AXDND1: variants seen among roughly 807,000 people sequenced by gnomAD.
The protein encoded by AXDND1 is axonemal dynein light chain domain containing 1.
AXDND1 carries 110 observed loss-of-function variants against 137.5 expected under a neutral mutation model. The observed-to-expected ratio is 0.80, with a 90% CI of 0.69 to 0.94. The LOEUF is 0.94. Ranked by LOEUF, AXDND1 falls within the 40% of genes least tolerant of loss-of-function variation. The pLI is 0.00. For synonymous variants in AXDND1, 414 were observed against 399.7 expected (o/e 1.04, Z -0.43); for missense variants, 1,191 against 1,169.8 (o/e 1.02, Z -0.26).
chr1:179,397,747 C>T (rs1475483952), intron 11 of AXDND1, among the ~76,000 whole-genome samples: 1 of 152,178 alleles, frequency 6.6e-6, no homozygotes, highest in Non-Finnish European at 1.5e-5. Flanking sequence ...TCTTCAAGTT[C>T]TGAGATTCTT....
intron 16 of AXDND1, among the ~76,000 whole-genome samples, chr1:179,457,926 C>T (rs1661651235): frequency 6.6e-6 from 1 of 151,886 alleles, no homozygotes; most frequent in African/African-American, 2.4e-5. Flanking sequence ...AACTGGCTGA[C>T]ATTCTGAAGT....
rs1647675841 is a variant in AXDND1 at position 179,378,569 on chromosome 1, C to T, written c.375-68C>T. The T allele has an allele frequency of 6.4e-6, 8 of 1,253,118 alleles. No individual in the cohort carries two copies. The South Asian group carries it at 1.1e-4, about 18-fold the overall frequency. 77.6% of individuals were successfully genotyped at this position (1,253,118 alleles called of 1,614,324 possible). On this transcript the variant is annotated intron_variant, in intron 4 of 25. Coordinates refer to ENST00000367618, the MANE Select transcript of AXDND1 (RefSeq NM_144696.6). Reference sequence around the variant, plus strand: ...ACCCATTAGAAGGATATGTGTGGATCTCACCTGCTGTTATGTGGTATCCAG... The same window carrying T: ...ACCCATTAGAAGGATATGTGTGGATTTCACCTGCTGTTATGTGGTATCCAG...
intron 16 of AXDND1, chr1:179,447,787 A>C: frequency 3.1e-6 from 4 of 1,310,100 alleles, no homozygotes; most frequent in Non-Finnish European, 4.4e-6. Context: ...TTCATTCCCC[A>C]CTGGGCTGCT....
Position 179,468,591 on chromosome 1 carries a change from G to A in AXDND1, c.1947G>A (p.Leu649=), listed in dbSNP as rs747135097. The stretch of plus-strand genomic sequence containing the variant: ...AAATGAAATCACACTTGGATATATT[G>A]TTAAACCTTACTGGTATTGTTCCAC... The part of the protein sequence containing the change: ...INEMKSHLDI[L]LNLTGIVPQH... The change falls in exon 17 of 26, where the codon TTG becomes TTA. Residue 649 remains leucine (L), a synonymous_variant. Transcript: ENST00000367618. 12 of 1,612,548 alleles carry A rather than the reference G, an allele frequency of 7.4e-6. No individual in the cohort carries two copies. The highest frequency in any genetic ancestry group is 1.0e-5 in the Non-Finnish European group (12 of 1,179,668).
At chr1:179,471,602 T>C (rs551064155) in intron 17 of AXDND1, among the ~76,000 whole-genome samples, 2 of 152,324 alleles carry the variant, frequency 1.3e-5, no homozygotes, top group South Asian at 4.1e-4. Context: ...CTATTTCTCC[T>C]GGTCAACTTA....
intron 2 of AXDND1, 98 bp downstream of exon 2, chr1:179,366,704 T>C: frequency 1.0e-6 from 1 of 967,598 alleles, no homozygotes; most frequent in Non-Finnish European, 1.6e-6. Flanking sequence ...TCAGAATACC[T>C]TGATTGGCTA....
chr1:179,408,150 C>T (rs1244550703), intron 11 of AXDND1, among the ~76,000 whole-genome samples: 1 of 152,070 alleles, frequency 6.6e-6, no homozygotes, highest in African/African-American at 2.4e-5. Flanking sequence ...TTGAGTTTCT[C>T]ATCCAGATCA....
intron 25 of AXDND1, among the ~76,000 whole-genome samples, chr1:179,538,954 C>T (rs1671825003): frequency 6.6e-6 from 1 of 151,854 alleles, no homozygotes; most frequent in Non-Finnish European, 1.5e-5. Context: ...TAATGGCCTT[C>T]TTTGTCTCTT....
chr1:179,469,076 C>T (rs112040158), intron 17 of AXDND1, among the ~76,000 whole-genome samples: 615 of 152,128 alleles, frequency 4.0e-3, no homozygotes, highest in Non-Finnish European at 6.0e-3. Context: ...ACTACAGGCG[C>T]CTGCCACCAT....
intron 23 of AXDND1, among the ~76,000 whole-genome samples, chr1:179,528,752 C>T (rs1251407697): frequency 2.0e-5 from 3 of 151,176 alleles, no homozygotes; most frequent in Non-Finnish European, 2.9e-5. Flanking sequence ...CTACCATGCC[C>T]GGCTAATTTT....
At chr1:179,546,593 C>G (rs1174616115) in intron 25 of AXDND1, among the ~76,000 whole-genome samples, 5 of 152,080 alleles carry the variant, frequency 3.3e-5, no homozygotes, top group African/African-American at 1.2e-4. Context: ...CCAGACCGAG[C>G]CATGCTGTCC....
In AXDND1 at chr1:179,379,405, A is replaced by G. The variant is rs754407481; in HGVS notation, c.504A>G (p.Thr168=). Residue 168 remains threonine (T), a synonymous_variant, in exon 6 of 26, where the codon ACA becomes ACG. Coordinates refer to ENST00000367618, the MANE Select transcript of AXDND1 (RefSeq NM_144696.6). ...TTTTCTTTTCTTTTAAGCCAAAGAC[A>G]CTAACAGATACTTTGATTCCTGAAG... The part of the protein sequence containing the change: ...DGVIVPHKPK[T]LTDTLIPEEF... The G allele has an allele frequency of 3.1e-6, 5 of 1,613,404 alleles. No homozygotes were observed. The highest frequency in any genetic ancestry group is 2.2e-5 in the East Asian group (1 of 44,846).
rs1379734774 is a variant in AXDND1 at position 179,535,166 on chromosome 1, T to C, written c.3031+204T>C. 7 of 700,354 alleles carry C rather than the reference T, an allele frequency of 1.0e-5. No homozygotes were observed. The South Asian group carries it at 1.0e-4, about 10-fold the overall frequency. The allele number at this position is 700,354 out of a possible 1,614,324, so 43.4% of individuals were successfully genotyped here. ...AGGAAAACCAAATGAATAACAATTG[T>C]GAATGAATAAAGTAGCTCAGATACA... On this transcript the variant is annotated intron_variant, in intron 25 of 25. Transcript: ENST00000367618.
intron 20 of AXDND1, among the ~76,000 whole-genome samples, chr1:179,501,529 G>A (rs1667997944): frequency 6.6e-6 from 1 of 152,110 alleles, no homozygotes; most frequent in African/African-American, 2.4e-5. Flanking sequence ...GACTAATACA[G>A]TGAAACCCCA....
chr1:179,390,632 C>A (rs1490016259), intron 9 of AXDND1, among the ~76,000 whole-genome samples: 1 of 151,956 alleles, frequency 6.6e-6, no homozygotes, highest in Non-Finnish European at 1.5e-5. Context: ...AGGAATAAAA[C>A]AAGTTTTTAT....
chr1:179,469,245 A>G (rs1314153477), intron 17 of AXDND1, among the ~76,000 whole-genome samples: 1 of 152,024 alleles, frequency 6.6e-6, no homozygotes, highest in Non-Finnish European at 1.5e-5. Flanking sequence ...TGGACATTTT[A>G]TTTGAAAGGA....
intron 17 of AXDND1, among the ~76,000 whole-genome samples, chr1:179,480,016 A>G (rs749640709): frequency 1.3e-5 from 2 of 152,178 alleles, no homozygotes; most frequent in African/African-American, 2.4e-5. Context: ...AAGCCATTCA[A>G]CAAGTGTCTA....
chr1:179,385,746 T>C (rs1017586663), intron 9 of AXDND1, among the ~76,000 whole-genome samples: 3 of 152,322 alleles, frequency 2.0e-5, no homozygotes, highest in Middle Eastern at 3.4e-3. Flanking sequence ...CTATTGTGGT[T>C]TCCTTGGGAA....
chr1:179,548,493 A>T (rs1672849618), intron 25 of AXDND1, among the ~76,000 whole-genome samples: 1 of 152,336 alleles, frequency 6.6e-6, no homozygotes, highest in East Asian at 1.9e-4. Flanking sequence ...TTCCAAGCCC[A>T]GAAGAAGCCG....
Sources: allele counts gnomAD v4.1 joint callset (sites outside exome capture counted in the v4.1 genomes callset), GRCh38; gene constraint gnomAD v4.1.1; transcripts MANE v1.5; gene names NCBI Gene and HGNC (gene_info 2026-07-23, HGNC 2026-07-21).